Variants in ADAMTS13 observed in about 807,000 individuals in gnomAD.
The protein encoded by ADAMTS13 is A disintegrin and metalloproteinase with thrombospondin motifs 13.
In ADAMTS13, 110 loss-of-function variants were observed where a neutral mutation model predicts 155.1. That is an observed-to-expected ratio of 0.71 (90% CI 0.61 to 0.83). The LOEUF (loss-of-function observed/expected upper bound fraction) is 0.83. Ranked by LOEUF, ADAMTS13 falls within the 40% of genes least tolerant of loss-of-function variation. ADAMTS13 has a pLI of 0.00. For missense variants in ADAMTS13, 1,707 were observed against 1,891.7 expected (o/e 0.90, Z 1.81); for synonymous variants, 758 against 756.4 (o/e 1.00, Z -0.03).
Position 133,437,904 on chromosome 9 carries a change from G to C in ADAMTS13, c.1584+7G>C, listed in dbSNP as rs370613063. On this transcript the variant is annotated splice_region_variant and intron_variant, in intron 13 of 28. Transcript: ENST00000355699. Reference sequence around the variant, plus strand: ...TGTGTCGGGCAGCTGCAGGGTAGGCGTGTGTGGACATTGGCGATGGCCCTG... The same window carrying C: ...TGTGTCGGGCAGCTGCAGGGTAGGCCTGTGTGGACATTGGCGATGGCCCTG... 2.6e-5 allele frequency: 42 copies of C among 1,613,210 alleles called. No homozygotes were observed. Among genetic ancestry groups the C allele is most frequent in the Non-Finnish European group, 3.6e-5 (42 of 1,179,930 alleles).
Position 133,428,627 on chromosome 9 carries a change from C to G in ADAMTS13, c.687-7C>G. 1 of 1,315,396 alleles carries G rather than the reference C, an allele frequency of 7.6e-7. No individual in the cohort carries two copies. The highest frequency in any genetic ancestry group is 9.7e-7 in the Non-Finnish European group (1 of 1,029,504). The allele number at this position is 1,315,396 out of a possible 1,614,324, so 81.5% of individuals were successfully genotyped here. A position where few individuals can be genotyped will look rare whatever the true frequency, so the allele number is the denominator to read the frequency against. The stretch of plus-strand genomic sequence containing the variant: ...CGCCTTAGCGCAACTCCCCGCCCCC[C>G]GACCAGCTTCGGCCTGGAGCACGAC... On this transcript the variant is annotated splice_polypyrimidine_tract_variant and splice_region_variant and intron_variant, in intron 6 of 28. Transcript: ENST00000355699.
chr9:133,437,813 C>T lies in ADAMTS13; in HGVS notation c.1500C>T (p.Asp500=). The change falls in exon 13 of 29, where the codon GAC becomes GAT. Residue 500 remains aspartate, a synonymous_variant. Transcript: ENST00000355699. ...AGAGCTTCATCATGAAGCGTGGAGACAGCTTCCTCGATGGGACCCGGTGTA... is the reference window on the plus strand; with the variant it reads ...AGAGCTTCATCATGAAGCGTGGAGATAGCTTCCTCGATGGGACCCGGTGTA... ...IGESFIMKRG[D]SFLDGTRCMP... 1 of 1,614,004 alleles carries T rather than the reference C, an allele frequency of 6.2e-7. No individual in the cohort carries two copies. Among genetic ancestry groups the T allele is most frequent in the South Asian group, 1.1e-5 (1 of 91,088 alleles).
chr9:133,424,829 G>A lies in ADAMTS13; in HGVS notation c.330+351G>A, dbSNP rs1554784802. 6.6e-6 allele frequency among the ~76,000 whole-genome samples: 1 copy of A among 152,160 alleles called. No homozygotes were observed. The highest frequency in any genetic ancestry group is 1.5e-5 in the Non-Finnish European group (1 of 68,034). ...CTGCTCACACTGCCCTCTGCACCCC[G>A]ACCCTGCCCTCTCTCCATTCTCTTG... On this transcript the variant is annotated intron_variant, in intron 3 of 28. Transcript: ENST00000355699. The surrounding 1 kb of genome is among the most constrained non-coding windows in gnomAD (Gnocchi z 4.3).
chr9:133,432,909 G>C (rs1840875117), intron 9 of ADAMTS13, among the ~76,000 whole-genome samples: 1 of 152,060 alleles, frequency 6.6e-6, no homozygotes, highest in South Asian at 2.1e-4. Context: ...TGTTGTATGG[G>C]GGGTGCCCAT....
Position 133,454,440 on chromosome 9 carries a change from T to G in ADAMTS13, c.3070T>G (p.Cys1024Gly), listed in dbSNP as rs121908472. 1.6e-5 allele frequency: 26 copies of G among 1,613,814 alleles called. No individual in the cohort carries two copies. The African/African-American group carries it at 3.5e-4, about 22-fold the overall frequency. ...GTGGAAAGTCATGTCCCTTGGCCCA[T>G]GTTCGGCCAGCTGTGGCCTTGGCAC... ...PRWKVMSLGP[C>G]SASCGLGTAR... is the part of the protein sequence containing the mutation. The change falls in exon 24 of 29, where the codon TGT becomes GGT. Residue 1024 changes from cysteine (C) to glycine (G), a missense_variant. Coordinates refer to ENST00000355699, the MANE Select transcript of ADAMTS13 (RefSeq NM_139027.6).
At chr9:133,432,134 G>A (rs1387372074) in intron 8 of ADAMTS13, among the ~76,000 whole-genome samples, 1 of 152,052 alleles carries the variant, frequency 6.6e-6, no homozygotes. Context: ...GCGTGGTGGC[G>A]CATGCCTGTA....
chr9:133,434,095 C>CA (rs967176243), intron 11 of ADAMTS13, among the ~76,000 whole-genome samples: 176 of 144,612 alleles, frequency 1.2e-3, no homozygotes, highest in African/African-American at 2.8e-3. Context: ...GACTCTGTCT[C>CA]AAAAAAAAAA....
At chr9:133,437,664 A>G in intron 12 of ADAMTS13, 85 bp from the exon 13 acceptor site, 4 of 1,533,744 alleles carry the variant, frequency 2.6e-6, no homozygotes, top group South Asian at 1.1e-5. Flanking sequence ...CTTGCCCCAG[A>G]TGCAAAGGAT....
intron 23 of ADAMTS13, among the ~76,000 whole-genome samples, chr9:133,450,664 G>A (rs1259573741): frequency 2.0e-5 from 3 of 152,098 alleles, no homozygotes; most frequent in African/African-American, 4.8e-5. Flanking sequence ...CAGGAGAATC[G>A]CTTGAACCCG....
rs200847393 is a variant in ADAMTS13 at position 133,456,150 on chromosome 9, T to C, written c.3482T>C (p.Ile1161Thr). 31 of 1,613,472 alleles carry C rather than the reference T, an allele frequency of 1.9e-5. No homozygotes were observed. The Admixed American group carries it at 2.5e-4, about 13-fold the overall frequency. ...GPGQADCAVA[I>T]GRPLGEVVTL... ...GGGCAGGCAGACTGTGCAGTGGCCA[T>C]TGGGCGGCCCCTCGGGGAGGTGGTG... Residue 1161 changes from isoleucine (I) to threonine (T), a missense_variant, in exon 26 of 29, where the codon ATT becomes ACT. Physicochemically the swap from Ile to Thr is moderately conservative, Grantham distance 89 (BLOSUM62 -1). This residue lies in a region of ADAMTS13 where 961 missense variants were observed against 1,107.9 expected (regional missense o/e 0.87). Coordinates refer to ENST00000355699, the MANE Select transcript of ADAMTS13 (RefSeq NM_139027.6). The surrounding 1 kb of genome is among the most constrained non-coding windows in gnomAD (Gnocchi z 4.4).
At chr9:133,439,884 G>T (rs1295580657) in intron 15 of ADAMTS13, among the ~76,000 whole-genome samples, 1 of 152,220 alleles carries the variant, frequency 6.6e-6, no homozygotes, top group Non-Finnish European at 1.5e-5. Context: ...TGGTGACCCA[G>T]CCCCTATCCT....
intron 24 of ADAMTS13, 131 bp from the exon 25 acceptor site, chr9:133,455,154 G>A (rs1554795366): frequency 3.0e-6 from 3 of 1,009,330 alleles, no homozygotes; most frequent in Non-Finnish European, 3.0e-6. Flanking sequence ...TCTCATCTGT[G>A]GAATGGAGAC....
intron 19 of ADAMTS13, 147 bp downstream of exon 19, chr9:133,443,708 G>A (rs1010645710): frequency 7.3e-5 from 65 of 890,984 alleles, no homozygotes; most frequent in Non-Finnish European, 1.0e-4. Flanking sequence ...GTCACCTGGC[G>A]GTTGTAAGTG....
chr9:133,448,648 T>C lies in ADAMTS13; in HGVS notation c.2781T>C (p.Pro927=), dbSNP rs919412585. 1 of 1,609,570 alleles carries C rather than the reference T, an allele frequency of 6.2e-7. No homozygotes were observed. The highest frequency in any genetic ancestry group is 1.8e-4 in the Middle Eastern group (1 of 5,618). Residue 927 remains proline, a synonymous_variant, in exon 22 of 29, where the codon CCT becomes CCC. Coordinates refer to ENST00000355699, the MANE Select transcript of ADAMTS13 (RefSeq NM_139027.6). ...FLCMDSALRV[P]VQEELCGLAS... is the part of the protein sequence containing the mutation. ...GCATGGACTCTGCCCTCAGGGTGCCTGTCCAGGAAGAGCTGTGTGGCCTGG... is the reference window on the plus strand; with the variant it reads ...GCATGGACTCTGCCCTCAGGGTGCCCGTCCAGGAAGAGCTGTGTGGCCTGG...
upstream of ADAMTS13, among the ~76,000 whole-genome samples, chr9:133,419,295 G>A (rs781924631): frequency 9.2e-5 from 14 of 152,146 alleles, no homozygotes; most frequent in Admixed American, 5.9e-4. Context: ...TGGGGGTGGA[G>A]CCATGAGCTC....
intron 1 of ADAMTS13, chr9:133,415,544 T>C (rs1839536043): frequency 6.5e-6 from 1 of 154,300 alleles, no homozygotes; most frequent in African/African-American, 2.4e-5. Context: ...GCCACACACC[T>C]TGGCTGTCAC....
rs1841960987 is a variant in ADAMTS13 at position 133,445,008 on chromosome 9, C to T, written c.2566C>T (p.Pro856Ser). ...PGSVDEKLPA[P>S]EPCVGMSCPP... ...CTCCGTAGATGAGAAGCTGCCTGCC[C>T]CTGAGCCCTGTGTCGGGATGTCATG... The change falls in exon 20 of 29, where the codon CCT becomes TCT. Residue 856 changes from proline (P) to serine (S), a missense_variant. Around this residue, in one of 3 missense-constraint regions of ADAMTS13, gnomAD observed 961 missense variants for 1,107.9 expected, o/e 0.87. Coordinates refer to ENST00000355699, the MANE Select transcript of ADAMTS13 (RefSeq NM_139027.6). This position sits in a 1 kb window ranked among gnomAD's most constrained non-coding sequence, Gnocchi z 5.0. 3 of 1,613,386 alleles carry T rather than the reference C, an allele frequency of 1.9e-6. No homozygotes were observed. The highest frequency in any genetic ancestry group is 3.3e-5 in the Admixed American group (2 of 60,002).
chr9:133,417,869 C>A, upstream of ADAMTS13: 1 of 1,592,250 alleles, frequency 6.3e-7, no homozygotes, highest in South Asian at 1.1e-5. Context: ...GCGCCTGGGC[C>A]GGCGGCCACC....
intron 7 of ADAMTS13, 162 bp from the exon 8 acceptor site, chr9:133,429,777 A>C: frequency 4.0e-6 from 4 of 987,968 alleles, no homozygotes; most frequent in Non-Finnish European, 4.6e-6. Flanking sequence ...GGTCCCAGCC[A>C]AGAGCCGGCT....
Sources: gnomAD v4.1 joint callset for allele counts (sites outside exome capture counted in the v4.1 genomes callset) on GRCh38, gnomAD v4.1.1 for gene constraint, gnomAD v4.1.1 regional missense constraint, Gnocchi (gnomAD v3.1) non-coding constraint, MANE v1.5 for transcripts, NCBI Gene and HGNC (gene_info 2026-07-23, HGNC 2026-07-21) for gene names.